Variants in MAP3K3 observed in about 807,000 individuals in gnomAD.
The protein encoded by MAP3K3 is MAP/ERK kinase kinase 3.
A neutral mutation model predicts 80.9 loss-of-function variants in MAP3K3; 12 were observed. The observed-to-expected ratio is 0.15, with a 90% CI of 0.10 to 0.24. MAP3K3 has a LOEUF of 0.24. Among genes scored for constraint, MAP3K3 ranks in the 10% least tolerant of loss-of-function variants. The probability of loss-of-function intolerance (pLI) is 1.00; values close to 1 mark genes in which losing one functional copy is unlikely to be tolerated. For missense variants in MAP3K3, 596 were observed against 834.7 expected (o/e 0.71, Z 3.52); for synonymous variants, 272 against 307.1 (o/e 0.89, Z 1.19).
At chr17:63,684,139 G>A (rs1314655638) in intron 7 of MAP3K3, among the ~76,000 whole-genome samples, 2 of 152,192 alleles carry the variant, frequency 1.3e-5, no homozygotes, top group South Asian at 4.1e-4. Context: ...ACCCTGTCTC[G>A]AACAACAGCA....
At chr17:63,681,652 A>T in intron 6 of MAP3K3, 114 bp from the exon 7 acceptor site, 1 of 975,386 alleles carries the variant, frequency 1.0e-6, no homozygotes. Flanking sequence ...TGGTGCCATG[A>T]CCCATCTGAG....
chr17:63,646,844 G>A (rs1435274675), intron 3 of MAP3K3, among the ~76,000 whole-genome samples: 2 of 152,190 alleles, frequency 1.3e-5, no homozygotes, highest in Admixed American at 6.5e-5. Context: ...GACCTTGCAT[G>A]TTTGTGCATG....
intron 5 of MAP3K3, among the ~76,000 whole-genome samples, chr17:63,666,374 C>T (rs935953534): frequency 3.3e-5 from 5 of 152,170 alleles, no homozygotes; most frequent in Admixed American, 3.3e-4. Context: ...TAGCATGTAC[C>T]TATAGTCTCA....
At chr17:63,671,748 A>T (rs901438756) in intron 6 of MAP3K3, among the ~76,000 whole-genome samples, 3 of 152,140 alleles carry the variant, frequency 2.0e-5, no homozygotes, top group African/African-American at 4.8e-5. Context: ...AAATGTTTTT[A>T]AAATTTCTGA....
At chr17:63,624,641 C>T (rs1009493699) in intron 1 of MAP3K3, among the ~76,000 whole-genome samples, 1 of 152,220 alleles carries the variant, frequency 6.6e-6, no homozygotes, top group African/African-American at 2.4e-5. Context: ...ATCAGTTGTC[C>T]TCCTGTCAGT....
At chr17:63,630,114 G>A (rs2034185989) in intron 1 of MAP3K3, among the ~76,000 whole-genome samples, 1 of 152,120 alleles carries the variant, frequency 6.6e-6, no homozygotes, top group African/African-American at 2.4e-5. Context: ...ATTGTTGGAT[G>A]CTCCTCAGAA....
chr17:63,693,848 G>A lies in MAP3K3; in HGVS notation c.*71G>A. On this transcript the variant is annotated 3_prime_UTR_variant, in exon 16 of 16. Transcript: ENST00000361733. The surrounding 1 kb of genome is among the most constrained non-coding windows in gnomAD (Gnocchi z 4.2). ...GGGGGCTGCTGCTGGGCTCAGTGAAGTTGCTGCTTCTCCCAGGCAAGGCTG... is the reference window on the plus strand; with the variant it reads ...GGGGGCTGCTGCTGGGCTCAGTGAAATTGCTGCTTCTCCCAGGCAAGGCTG... The A allele has an allele frequency of 7.3e-7, 1 of 1,364,030 alleles. No individual in the cohort carries two copies. Among genetic ancestry groups the A allele is most frequent in the Non-Finnish European group, 1.0e-6 (1 of 987,194 alleles). The allele number at this position is 1,364,030 out of a possible 1,614,324, so 84.5% of individuals were successfully genotyped here.
intron 4 of MAP3K3, among the ~76,000 whole-genome samples, chr17:63,653,833 G>A (rs989432593): frequency 6.6e-6 from 1 of 152,108 alleles, no homozygotes; most frequent in African/African-American, 2.4e-5. Flanking sequence ...TGCTGATAGA[G>A]TTGTGCAACC....
At chr17:63,670,586 C>CAAAAAAAA (rs756058538) in intron 6 of MAP3K3, among the ~76,000 whole-genome samples, 17 of 79,794 alleles carry the variant, frequency 2.1e-4, no homozygotes, top group Non-Finnish European at 2.9e-4. Flanking sequence ...GACTCTGTCT[C>CAAAAAAAA]AAAAAAAAAA....
At chr17:63,627,693 C>T (rs2034130127) in intron 1 of MAP3K3, among the ~76,000 whole-genome samples, 1 of 152,180 alleles carries the variant, frequency 6.6e-6, no homozygotes, top group Admixed American at 6.5e-5. Flanking sequence ...CCACCCTCCT[C>T]GGCCTCCCAA....
intron 2 of MAP3K3, 66 bp from the exon 3 acceptor site, chr17:63,645,968 C>A: frequency 1.5e-6 from 2 of 1,332,852 alleles, no homozygotes; most frequent in Non-Finnish European, 2.2e-6. Flanking sequence ...CCAAGGCTTA[C>A]TTGGCAATGG....
intron 2 of MAP3K3, chr17:63,636,930 C>T: frequency 1.9e-6 from 1 of 537,520 alleles, no homozygotes. Flanking sequence ...TGCGCTTCAT[C>T]CAGCTGGACG....
intron 1 of MAP3K3, among the ~76,000 whole-genome samples, chr17:63,631,144 G>A (rs181617931): frequency 6.6e-6 from 1 of 152,192 alleles, no homozygotes; most frequent in Non-Finnish European, 1.5e-5. Flanking sequence ...AAAATTAGCA[G>A]GGCATGGTGG....
chr17:63,639,345 T>A (rs9903897), intron 2 of MAP3K3, among the ~76,000 whole-genome samples: 57,711 of 152,062 alleles, frequency 0.38, 14,307 homozygotes, highest in African/African-American at 0.71. Flanking sequence ...CAAACATGGC[T>A]TGTATCAGGA....
Position 63,685,141 on chromosome 17 carries a change from T to C in MAP3K3, c.637-376T>C, listed in dbSNP as rs142675939. Among the ~76,000 whole-genome samples, 17 of 152,290 alleles carry C rather than the reference T, an allele frequency of 1.1e-4. No homozygotes were observed. In the East Asian group the frequency reaches 3.3e-3, roughly 29 times the overall value. On this transcript the variant is annotated intron_variant, in intron 7 of 15. Coordinates refer to ENST00000361733, the MANE Select transcript of MAP3K3 (RefSeq NM_002401.5). ...CCTTGTCTTTGTAAATTATAAATTA[T>C]GGAGTGTAAACAGAAGCATTAAGGT...
intron 1 of MAP3K3, among the ~76,000 whole-genome samples, chr17:63,623,855 T>C (rs1297026278): frequency 6.6e-6 from 1 of 152,234 alleles, no homozygotes; most frequent in Admixed American, 6.5e-5. Flanking sequence ...AAGTGCCCCA[T>C]GTGAAGAGGG....
At chr17:63,651,453 G>C (rs554912647) in intron 3 of MAP3K3, among the ~76,000 whole-genome samples, 1 of 152,066 alleles carries the variant, frequency 6.6e-6, no homozygotes, top group African/African-American at 2.4e-5. Flanking sequence ...CAGCCTAGGT[G>C]ACAGAACGAG....
In MAP3K3 at chr17:63,653,269, GAAT is replaced by G. The variant is rs751548322; in HGVS notation, c.267+615_267+617del. ...TGGGCTGCTTTCCCAGCTCCAAGAA[GAAT>G]ATTACAGACTACAATCAGCTTAGGC... On this transcript the variant is annotated intron_variant, in intron 4 of 15. Coordinates refer to ENST00000361733, the MANE Select transcript of MAP3K3 (RefSeq NM_002401.5). 2.0e-5 allele frequency among the ~76,000 whole-genome samples: 3 copies of G among 152,188 alleles called. No individual in the cohort carries two copies. The East Asian group carries it at 5.8e-4, about 29-fold the overall frequency.
intron 4 of MAP3K3, 37 bp downstream of exon 4, chr17:63,652,693 G>A: frequency 1.5e-6 from 2 of 1,340,980 alleles, no homozygotes; most frequent in Non-Finnish European, 1.1e-6. Flanking sequence ...GACAAGAGGG[G>A]CAGATGCCTA....
Sources: allele counts gnomAD v4.1 joint callset (sites outside exome capture counted in the v4.1 genomes callset), GRCh38; gene constraint gnomAD v4.1.1; non-coding constraint Gnocchi (gnomAD v3.1); transcripts MANE v1.5; gene names NCBI Gene and HGNC (gene_info 2026-07-23, HGNC 2026-07-21).